The following ATRNL1 variants were observed in gnomAD, a reference collection of about 807,000 sequenced individuals.
ATRNL1 encodes the protein attractin like 1, also known as attractin-like protein 1.
Under a neutral mutation model 182.7 loss-of-function variants are expected in ATRNL1, and 95 were observed. The ratio of observed to expected loss-of-function variants is 0.52; its 90% CI spans 0.44 to 0.62. The LOEUF (loss-of-function observed/expected upper bound fraction) is 0.62. Among genes scored for constraint, ATRNL1 ranks in the 20% least tolerant of loss-of-function variants. The pLI is 0.00. For synonymous variants in ATRNL1, 576 were observed against 568.3 expected (o/e 1.01, Z -0.19); for missense variants, 1,471 against 1,679.5 (o/e 0.88, Z 2.17).
At position 115,315,551 on chromosome 10, in the gene ATRNL1, A is replaced by G; in HGVS notation, c.2852A>G (p.Gln951Arg). Residue 951 changes from glutamine (Q) to arginine (R), a missense_variant, in exon 18 of 29, where the codon CAG becomes CGG. This residue lies in a region of ATRNL1 where 3 missense variants were observed against 17.5 expected (regional missense o/e 0.17). Coordinates refer to ENST00000355044, the MANE Select transcript of ATRNL1 (RefSeq NM_207303.4). ...TGTTCTGGATTGAGAACCTGTGGAC[A>G]GTGTTTGGAACAGCCTGGATGTGGC... ...QNCSGLRTCGQCLEQPGCGWC... is the reference protein window; with the variant it reads ...QNCSGLRTCGRCLEQPGCGWC... 1 of 1,613,750 alleles carries G rather than the reference A, an allele frequency of 6.2e-7. No individual in the cohort carries two copies.
At chr10:115,788,676 C>G (rs1326493312) in intron 27 of ATRNL1, among the ~76,000 whole-genome samples, 1 of 152,220 alleles carries the variant, frequency 6.6e-6, no homozygotes, top group Non-Finnish European at 1.5e-5. Context: ...CAAAATGGTA[C>G]CAGTGTCTAC....
chr10:115,529,690 A>C (rs1851451015), intron 25 of ATRNL1, among the ~76,000 whole-genome samples: 1 of 152,050 alleles, frequency 6.6e-6, no homozygotes, highest in Non-Finnish European at 1.5e-5. Flanking sequence ...AAACTTCAAA[A>C]CTTTTACTTA....
At chr10:115,865,588 A>G (rs1470631866) in intron 28 of ATRNL1, among the ~76,000 whole-genome samples, 2 of 152,200 alleles carry the variant, frequency 1.3e-5, no homozygotes, top group East Asian at 1.9e-4. Context: ...AACATAACAT[A>G]GTATAGCCAT....
intron 26 of ATRNL1, among the ~76,000 whole-genome samples, chr10:115,630,827 TACACACACACACAC>T (rs199640218): frequency 0.016 from 2,024 of 129,826 alleles, 45 homozygotes; most frequent in African/African-American, 0.052. Flanking sequence ...ATATGTATTA[TACACACACACACAC>T]ACACACACAC....
At chr10:115,276,736 G>A (rs1366645497) in intron 13 of ATRNL1, among the ~76,000 whole-genome samples, 1 of 152,144 alleles carries the variant, frequency 6.6e-6, no homozygotes, top group Non-Finnish European at 1.5e-5. Flanking sequence ...GATCAGTAGA[G>A]TAGTGGTTAC....
chr10:115,524,592 C>T (rs1249849053), intron 25 of ATRNL1, among the ~76,000 whole-genome samples: 2 of 152,108 alleles, frequency 1.3e-5, no homozygotes, highest in African/African-American at 4.8e-5. Flanking sequence ...TATTTATTAA[C>T]TTGTCCAGTT....
intron 26 of ATRNL1, among the ~76,000 whole-genome samples, chr10:115,604,668 G>A (rs1473020507): frequency 1.3e-5 from 2 of 151,982 alleles, no homozygotes; most frequent in African/African-American, 2.4e-5. Context: ...CTACATCACA[G>A]GCTATACTAT....
chr10:115,268,276 G>A (rs923788671), intron 12 of ATRNL1, 50 bp from the exon 13 acceptor site: 2 of 1,046,284 alleles, frequency 1.9e-6, no homozygotes, highest in East Asian at 2.4e-5. Flanking sequence ...ATTAAGAAGA[G>A]TAAGATTTTC....
At chr10:115,361,431 A>G (rs1367228284) in intron 19 of ATRNL1, among the ~76,000 whole-genome samples, 1 of 151,994 alleles carries the variant, frequency 6.6e-6, no homozygotes, top group African/African-American at 2.4e-5. Flanking sequence ...CAGCTTTGGT[A>G]CTTTTAGTGG....
intron 17 of ATRNL1, among the ~76,000 whole-genome samples, chr10:115,311,404 G>T (rs1016130744): frequency 6.6e-6 from 1 of 152,044 alleles, no homozygotes; most frequent in Non-Finnish European, 1.5e-5. Flanking sequence ...GGTCAGGCTG[G>T]TCTCAAACTC....
At chr10:115,849,330 G>A (rs1217034073) in intron 28 of ATRNL1, among the ~76,000 whole-genome samples, 1 of 152,166 alleles carries the variant, frequency 6.6e-6, no homozygotes, top group African/African-American at 2.4e-5. Context: ...GATAATTATA[G>A]GTACTTGCAC....
At chr10:115,099,085 CTT>C (rs1554863953) in intron 1 of ATRNL1, among the ~76,000 whole-genome samples, 1 of 152,194 alleles carries the variant, frequency 6.6e-6, no homozygotes, top group African/African-American at 2.4e-5. Flanking sequence ...TAAACCCTCC[CTT>C]TTCTAGTTGC....
intron 26 of ATRNL1, among the ~76,000 whole-genome samples, chr10:115,640,102 C>T (rs527990920): frequency 6.6e-6 from 1 of 152,248 alleles, no homozygotes; most frequent in South Asian, 2.1e-4. Flanking sequence ...CTGCCAAGGA[C>T]ATGAACTCAT....
At chr10:115,096,206 C>G (rs1305956212) in intron 1 of ATRNL1, among the ~76,000 whole-genome samples, 2 of 152,138 alleles carry the variant, frequency 1.3e-5, no homozygotes, top group African/African-American at 4.8e-5. Flanking sequence ...TCCTAGGACT[C>G]ATTGTACTCT....
chr10:115,934,537 A>C (rs1565499213), intron 28 of ATRNL1, among the ~76,000 whole-genome samples: 2 of 152,054 alleles, frequency 1.3e-5, no homozygotes. Context: ...ATGCTTGTGA[A>C]TACCAATTGT....
intron 19 of ATRNL1, among the ~76,000 whole-genome samples, chr10:115,384,737 G>A (rs1394514154): frequency 6.6e-6 from 1 of 151,804 alleles, no homozygotes; most frequent in Non-Finnish European, 1.5e-5. Flanking sequence ...TGGCTCATGG[G>A]CTATAGTTTG....
intron 1 of ATRNL1, among the ~76,000 whole-genome samples, chr10:115,116,387 C>T (rs139278629): frequency 3.3e-5 from 5 of 151,960 alleles, no homozygotes; most frequent in Admixed American, 6.6e-5. Flanking sequence ...CTATGTGCTA[C>T]CTAATTTCTG....
intron 9 of ATRNL1, among the ~76,000 whole-genome samples, chr10:115,232,967 TC>T: frequency 6.6e-6 from 1 of 152,250 alleles, no homozygotes; most frequent in East Asian, 1.9e-4. Flanking sequence ...AATCCAGGTG[TC>T]AGCAGGGCCA....
intron 8 of ATRNL1, among the ~76,000 whole-genome samples, chr10:115,185,281 C>T (rs1414890520): frequency 6.6e-6 from 1 of 151,958 alleles, no homozygotes; most frequent in African/African-American, 2.4e-5. Flanking sequence ...GTAATATTTC[C>T]TATGGAAAGA....
Sources: gnomAD v4.1 joint callset for allele counts (sites outside exome capture counted in the v4.1 genomes callset) on GRCh38, gnomAD v4.1.1 for gene constraint, gnomAD v4.1.1 regional missense constraint, MANE v1.5 for transcripts, NCBI Gene and HGNC (gene_info 2026-07-23, HGNC 2026-07-21) for gene names.